Variants in RAE1 observed in about 807,000 individuals in gnomAD.
The protein encoded by RAE1 is ribonucleic acid export 1.
In RAE1, 13 loss-of-function variants were observed where a neutral mutation model predicts 52.7. The ratio of observed to expected loss-of-function variants is 0.25; its 90% CI spans 0.16 to 0.39. RAE1 has a LOEUF of 0.39. Among genes scored for constraint, RAE1 ranks in the 10% least tolerant of loss-of-function variants. The pLI is 1.00. For missense variants in RAE1, 262 were observed against 459.8 expected (o/e 0.57, Z 3.93); for synonymous variants, 164 against 153.1 (o/e 1.07, Z -0.52).
At chr20:57,359,330 G>A (rs2066854724) in intron 4 of RAE1, 1 of 237,884 alleles carries the variant, frequency 4.2e-6, no homozygotes, top group African/African-American at 2.2e-5. Flanking sequence ...CCCGTCTGAT[G>A]TAAGCTTATG....
At chr20:57,365,227 T>C in intron 4 of RAE1, 129 bp from the exon 5 acceptor site, 1 of 580,506 alleles carries the variant, frequency 1.7e-6, no homozygotes, top group African/African-American at 1.9e-5. Context: ...AGTACACTGG[T>C]CCCCAAACAA....
chr20:57,374,915 C>A, intron 11 of RAE1, 114 bp downstream of exon 11: 2 of 1,184,746 alleles, frequency 1.7e-6, no homozygotes, highest in Non-Finnish European at 2.5e-6. Context: ...TGTCCTTGGG[C>A]AGGTCACCGT....
At position 57,354,669 on chromosome 20, in the gene RAE1, T is replaced by C. The variant is rs759049672; in HGVS notation, c.91-43T>C. On this transcript the variant is annotated intron_variant, in intron 2 of 11. Transcript: ENST00000395841. ...AGAAAGAAAACAATTTGGAATGAAG[T>C]TGTGAGCGTGCATACATTTTAACAT... 4 of 1,394,548 alleles carry C rather than the reference T, an allele frequency of 2.9e-6. 1 individual carries two copies. Among genetic ancestry groups the C allele is most frequent in the African/African-American group, 3.0e-5 (2 of 67,234 alleles). The allele number at this position is 1,394,548 out of a possible 1,614,324, so 86.4% of individuals were successfully genotyped here. A position where few individuals can be genotyped will look rare whatever the true frequency, so the allele number is the denominator to read the frequency against.
intron 1 of RAE1, chr20:57,351,695 C>T (rs934405221): frequency 2.0e-6 from 2 of 985,392 alleles, no homozygotes; most frequent in Admixed American, 6.2e-5. Context: ...CTGTCCCTCC[C>T]CCTTACACGT....
intron 11 of RAE1, among the ~76,000 whole-genome samples, chr20:57,376,580 G>A (rs1016125095): frequency 3.3e-5 from 5 of 152,212 alleles, no homozygotes; most frequent in Non-Finnish European, 7.3e-5. Context: ...ACTTTTCAGT[G>A]CTGGGTAGTA....
At position 57,354,054 on chromosome 20, in the gene RAE1, A is replaced by G; in HGVS notation, c.16A>G (p.Thr6Ala). The change falls in exon 2 of 12, where the codon ACA becomes GCA. Residue 6 changes from threonine (T) to alanine (A), a missense_variant. Physicochemically the swap from Thr to Ala is moderately conservative, Grantham distance 58. Transcript: ENST00000395841. Reference protein sequence around the residue: MSLFGTTSGFGTSGTS... With the variant: MSLFGATSGFGTSGTS... ...TAGGTTCAAAATGAGCCTGTTTGGA[A>G]CAACCTCAGGTTTTGGAACCAGTGG... 6.2e-7 allele frequency: 1 copy of G among 1,613,904 alleles called. No individual in the cohort carries two copies. The highest frequency in any genetic ancestry group is 8.5e-7 in the Non-Finnish European group (1 of 1,179,848).
intron 4 of RAE1, among the ~76,000 whole-genome samples, chr20:57,362,370 T>C (rs948743104): frequency 5.9e-5 from 9 of 152,232 alleles, no homozygotes; most frequent in Admixed American, 2.6e-4. Context: ...TTAATAGATA[T>C]ATGAAAAGTT....
intron 4 of RAE1, among the ~76,000 whole-genome samples, chr20:57,360,222 T>C (rs1342422132): frequency 6.6e-6 from 1 of 152,228 alleles, no homozygotes; most frequent in African/African-American, 2.4e-5. Flanking sequence ...AGCACTCTGC[T>C]CTTGGTTTAC....
chr20:57,360,270 T>C (rs752514598), intron 4 of RAE1, among the ~76,000 whole-genome samples: 27 of 152,350 alleles, frequency 1.8e-4, no homozygotes, highest in Admixed American at 5.9e-4. Flanking sequence ...TTCATAAGGC[T>C]GTCATGAGAT....
chr20:57,373,433 A>G (rs1443573006), intron 8 of RAE1, 42 bp from the exon 9 acceptor site: 2 of 1,570,228 alleles, frequency 1.3e-6, no homozygotes, highest in Middle Eastern at 1.7e-4. Context: ...ATGAAATCTT[A>G]TATTATGCTG....
chr20:57,365,892 G>T (rs551882027), intron 5 of RAE1, among the ~76,000 whole-genome samples: 2 of 152,202 alleles, frequency 1.3e-5, no homozygotes, highest in African/African-American at 4.8e-5. Context: ...AACTTTTACC[G>T]TTACTCAGGG....
chr20:57,373,189 A>G, intron 8 of RAE1: 1 of 405,628 alleles, frequency 2.5e-6, no homozygotes, highest in African/African-American at 2.1e-5. Flanking sequence ...TCTGCCTCGC[A>G]GCCCATGGGG....
At chr20:57,373,210 G>A (rs774491766) in intron 8 of RAE1, 10 of 469,508 alleles carry the variant, frequency 2.1e-5, no homozygotes, top group East Asian at 2.1e-4. Flanking sequence ...CTCTGCTGGC[G>A]TGAACGCGGC....
At chr20:57,375,182 A>G (rs913248710) in intron 11 of RAE1, 33 of 614,450 alleles carry the variant, frequency 5.4e-5, no homozygotes, top group Non-Finnish European at 9.0e-5. Flanking sequence ...GGGAGTTAGG[A>G]GCTGGCAGGA....
In RAE1 at chr20:57,378,233, G is replaced by T; in HGVS notation, c.*134G>T. The stretch of plus-strand genomic sequence containing the variant: ...AACCCCTGGAGAAAACGATGTCATT[G>T]TTCAGCAGCTGAGAGCCCAGGCGTC... On this transcript the variant is annotated 3_prime_UTR_variant, in exon 12 of 12. Coordinates refer to ENST00000395841, the MANE Select transcript of RAE1 (RefSeq NM_003610.4). 2 of 730,088 alleles carry T rather than the reference G, an allele frequency of 2.7e-6. No homozygotes were observed. Among genetic ancestry groups the T allele is most frequent in the Non-Finnish European group, 4.3e-6 (2 of 460,554 alleles). The allele number at this position is 730,088 out of a possible 1,614,324, so 45.2% of individuals were successfully genotyped here.
chr20:57,370,923 G>T (rs1350318728), intron 8 of RAE1, among the ~76,000 whole-genome samples: 1 of 152,178 alleles, frequency 6.6e-6, no homozygotes, highest in Non-Finnish European at 1.5e-5. Context: ...TGTTGCTCCT[G>T]ATGTGCTTCA....
intron 4 of RAE1, among the ~76,000 whole-genome samples, chr20:57,360,477 A>G (rs113989658): frequency 3.1e-4 from 47 of 152,342 alleles, no homozygotes; most frequent in African/African-American, 1.1e-3. Flanking sequence ...CTAGAGGGAT[A>G]TAAAGCACCA....
In RAE1 at chr20:57,351,784, C is replaced by T. The variant is rs575545793; in HGVS notation, c.-8+362C>T. The T allele has an allele frequency of 2.1e-5, 21 of 985,518 alleles. No individual in the cohort carries two copies. In the South Asian group the frequency reaches 5.6e-4, roughly 26 times the overall value. The allele number at this position is 985,518 out of a possible 1,614,324, so 61.0% of individuals were successfully genotyped here. A position where few individuals can be genotyped will look rare whatever the true frequency, so the allele number is the denominator to read the frequency against. On this transcript the variant is annotated intron_variant, in intron 1 of 11. Transcript: ENST00000395841. The stretch of plus-strand genomic sequence containing the variant: ...TTTGCAGAAGGGCGTCCCCTTTTAG[C>T]CTCTTCCACGTCAACCTGCTCCATT...
At chr20:57,356,363 T>C (rs1600705854) in intron 3 of RAE1, 83 bp from the exon 4 acceptor site, 1 of 1,030,970 alleles carries the variant, frequency 9.7e-7, no homozygotes, top group East Asian at 2.6e-5. Flanking sequence ...ATGGTTAAGG[T>C]GTACCCCATT....
Sources: allele counts gnomAD v4.1 joint callset (sites outside exome capture counted in the v4.1 genomes callset), GRCh38; gene constraint gnomAD v4.1.1; transcripts MANE v1.5; gene names NCBI Gene and HGNC (gene_info 2026-07-23, HGNC 2026-07-21).